ESR1: variants seen among roughly 807,000 people sequenced by gnomAD.
The protein encoded by ESR1 is estrogen receptor 1, also known as estrogen receptor.
ESR1 carries 12 observed loss-of-function variants against 52.7 expected under a neutral mutation model. The observed-to-expected ratio is 0.23, with a 90% confidence interval of 0.15 to 0.37. The LOEUF (loss-of-function observed/expected upper bound fraction) is 0.37, where lower values mean the gene tolerates loss of function less well. ESR1 is among the 10% of genes least tolerant of loss of function. ESR1 has a pLI of 1.00. For synonymous variants in ESR1, 305 were observed against 316.8 expected (o/e 0.96, Z 0.39); for missense variants, 584 against 779.7 (o/e 0.75, Z 2.99).
At position 151,956,843 on chromosome 6, in the gene ESR1, A is replaced by AATAAATATATATATAT. The variant is rs1554293623; in HGVS notation, c.1096+12338_1096+12339insAATATATATATATATA. 9.7e-4 allele frequency among the ~76,000 whole-genome samples: 43 copies of AATAAATATATATATAT among 44,470 alleles called. 2 individuals carry two copies. The East Asian group carries it at 0.011, about 12-fold the overall frequency. The allele number at this position is 44,470 out of a possible 152,430, so 29.2% of individuals were successfully genotyped here. On this transcript the variant is annotated intron_variant, in intron 4 of 7. Transcript: ENST00000206249. ...ATAAAAATATATATAAATATAAATA[A>AATAAATATATATATAT]ATATATATATATATATATAAATATA...
chr6:151,794,407 G>GTA (rs1181388257), intron 2 of ESR1, among the ~76,000 whole-genome samples: 2 of 152,166 alleles, frequency 1.3e-5, no homozygotes, highest in Non-Finnish European at 2.9e-5. Context: ...AAATTAGACT[G>GTA]TACACACATT....
intron 4 of ESR1, among the ~76,000 whole-genome samples, chr6:151,981,112 A>T (rs78018981): frequency 2.7e-3 from 414 of 152,360 alleles, no homozygotes; most frequent in African/African-American, 9.4e-3. Flanking sequence ...GTTTCATCTC[A>T]TATCCTGTGC....
At chr6:151,751,253 G>A (rs562030500) in intron 2 of ESR1, among the ~76,000 whole-genome samples, 1 of 152,174 alleles carries the variant, frequency 6.6e-6, no homozygotes, top group South Asian at 2.1e-4. Flanking sequence ...AAAACAGGAG[G>A]AAACACATGC....
intron 2 of ESR1, among the ~76,000 whole-genome samples, chr6:151,862,518 C>A (rs979778729): frequency 6.6e-6 from 1 of 152,138 alleles, no homozygotes; most frequent in African/African-American, 2.4e-5. Context: ...AGGTTAAGGA[C>A]AATTCCGTCC....
At position 151,809,420 on chromosome 6, in the gene ESR1, C is replaced by T. The variant is rs150304651; in HGVS notation, c.452+1056C>T. ...CTGCAGAGGGATTAGGTGGGCGCTTCTGGTGAACACCTTCCTAGGTGGCCA... is the reference window on the plus strand; with the variant it reads ...CTGCAGAGGGATTAGGTGGGCGCTTTTGGTGAACACCTTCCTAGGTGGCCA... On this transcript the variant is annotated intron_variant, in intron 1 of 7. Coordinates refer to ENST00000206249, the MANE Select transcript of ESR1 (RefSeq NM_000125.4). The T allele has an allele frequency of 3.5e-3, 965 of 274,658 alleles. 7 individuals carry two copies. Among genetic ancestry groups the T allele is most frequent in the Non-Finnish European group, 3.9e-3 (520 of 133,228 alleles). 17.0% of individuals were successfully genotyped at this position (274,658 alleles called of 1,614,324 possible).
At chr6:151,991,759 C>T (rs2041046022) in intron 4 of ESR1, among the ~76,000 whole-genome samples, 1 of 152,120 alleles carries the variant, frequency 6.6e-6, no homozygotes, top group Non-Finnish European at 1.5e-5. Flanking sequence ...GATTCTGCCT[C>T]TCCCCTTGTT....
chr6:151,964,851 C>G (rs1330674049), intron 4 of ESR1, among the ~76,000 whole-genome samples: 2 of 152,096 alleles, frequency 1.3e-5, no homozygotes, highest in East Asian at 1.9e-4. Flanking sequence ...ACTGTGTTAG[C>G]CAGGATGGTC....
At chr6:152,006,373 T>C (rs893139754) in intron 4 of ESR1, among the ~76,000 whole-genome samples, 6 of 151,540 alleles carry the variant, frequency 4.0e-5, no homozygotes, top group Admixed American at 1.3e-4. Flanking sequence ...TATAAGAGAG[T>C]CCAAACATTT....
chr6:151,687,534 G>A (rs906441787), upstream of ESR1, among the ~76,000 whole-genome samples: 5 of 152,278 alleles, frequency 3.3e-5, no homozygotes, highest in African/African-American at 1.2e-4. Context: ...GCTATCATCT[G>A]GGGTGGCAGA....
At chr6:151,658,989 A>C (rs1777546022) in intron 1 of ESR1, among the ~76,000 whole-genome samples, 1 of 152,186 alleles carries the variant, frequency 6.6e-6, no homozygotes, top group Non-Finnish European at 1.5e-5. Context: ...GGGAGCCTAA[A>C]CCAAGATATG....
intron 2 of ESR1, among the ~76,000 whole-genome samples, chr6:151,791,232 A>G (rs558750422): frequency 6.6e-6 from 1 of 152,262 alleles, no homozygotes; most frequent in East Asian, 1.9e-4. Flanking sequence ...TGTAGCTCCC[A>G]TAATTCCCAC....
intron 2 of ESR1, among the ~76,000 whole-genome samples, chr6:151,749,771 C>T (rs1375243555): frequency 6.6e-6 from 1 of 152,152 alleles, no homozygotes; most frequent in Non-Finnish European, 1.5e-5. Context: ...GCTCGCTGTG[C>T]TACTCTGATA....
intron 2 of ESR1, among the ~76,000 whole-genome samples, chr6:151,702,995 T>A (rs1179463804): frequency 6.6e-6 from 1 of 152,224 alleles, no homozygotes; most frequent in Non-Finnish European, 1.5e-5. Flanking sequence ...TCTGCACTTT[T>A]AAAAATATAA....
At chr6:151,967,924 C>T (rs1365423825) in intron 4 of ESR1, among the ~76,000 whole-genome samples, 1 of 152,204 alleles carries the variant, frequency 6.6e-6, no homozygotes, top group African/African-American at 2.4e-5. Context: ...TTGCATTTCT[C>T]TAATGATCAG....
intron 5 of ESR1, among the ~76,000 whole-genome samples, chr6:152,031,568 A>C (rs1424921068): frequency 6.6e-6 from 1 of 152,146 alleles, no homozygotes; most frequent in Non-Finnish European, 1.5e-5. Flanking sequence ...CGACACATAC[A>C]CCCTCCCAAG....
chr6:151,940,470 A>T (rs971406229), intron 3 of ESR1, among the ~76,000 whole-genome samples: 4 of 152,222 alleles, frequency 2.6e-5, no homozygotes, highest in African/African-American at 4.8e-5. Flanking sequence ...TGTTGTTCCA[A>T]AGCCAAAACC....
At chr6:151,692,613 C>G (rs2982570) in intron 1 of ESR1, among the ~76,000 whole-genome samples, 1 of 151,922 alleles carries the variant, frequency 6.6e-6, no homozygotes, top group Non-Finnish European at 1.5e-5. Flanking sequence ...TGTTAATCTC[C>G]GAGAAAGAGG....
intron 1 of ESR1, among the ~76,000 whole-genome samples, chr6:151,841,523 A>G (rs959440396): frequency 2.7e-5 from 4 of 150,930 alleles, no homozygotes; most frequent in African/African-American, 9.8e-5. Context: ...TTACTTCCTT[A>G]TTTTCTTGGT....
intron 3 of ESR1, among the ~76,000 whole-genome samples, chr6:151,903,511 G>A (rs543542763): frequency 1.4e-5 from 2 of 147,396 alleles, no homozygotes; most frequent in African/African-American, 5.0e-5. Context: ...TTCTGATCTT[G>A]GGCATGCCAC....
Sources: allele counts gnomAD v4.1 joint callset (sites outside exome capture counted in the v4.1 genomes callset), GRCh38; gene constraint gnomAD v4.1.1; transcripts MANE v1.5; gene names NCBI Gene and HGNC (gene_info 2026-07-23, HGNC 2026-07-21).